SEMA3C: variants seen among roughly 807,000 people sequenced by gnomAD.
SEMA3C encodes semaphorin-3C.
In SEMA3C, 47 loss-of-function variants were observed where a neutral mutation model predicts 89.4. The ratio of observed to expected loss-of-function variants is 0.53; its 90% CI spans 0.42 to 0.67. The LOEUF is 0.67. Ranked by LOEUF, SEMA3C falls within the 30% of genes least tolerant of loss-of-function variation. The pLI, the probability that SEMA3C is intolerant of heterozygous loss-of-function variation, is 0.00. For synonymous variants in SEMA3C, 310 were observed against 320.2 expected (o/e 0.97, Z 0.34); for missense variants, 839 against 929.1 (o/e 0.90, Z 1.26).
chr7:80,789,930 G>T (rs1788896519), intron 11 of SEMA3C, among the ~76,000 whole-genome samples: 1 of 152,056 alleles, frequency 6.6e-6, no homozygotes, highest in Non-Finnish European at 1.5e-5. Context: ...ATTAAATTCA[G>T]TCAAACTCTG....
intron 12 of SEMA3C, among the ~76,000 whole-genome samples, chr7:80,785,088 AAC>A (rs1321511441): frequency 6.6e-6 from 1 of 152,150 alleles, no homozygotes; most frequent in African/African-American, 2.4e-5. Flanking sequence ...GATATCTGGT[AAC>A]ACAAAAAATA....
At chr7:80,839,959 T>C (rs537707918) in intron 2 of SEMA3C, among the ~76,000 whole-genome samples, 4 of 152,284 alleles carry the variant, frequency 2.6e-5, no homozygotes, top group African/African-American at 4.8e-5. Flanking sequence ...CTTGACCATA[T>C]TGTGGGCTTC....
intron 14 of SEMA3C, among the ~76,000 whole-genome samples, chr7:80,760,920 A>C (rs1312183392): frequency 6.6e-6 from 1 of 152,114 alleles, no homozygotes; most frequent in Admixed American, 6.5e-5. Context: ...TCTGTACCTT[A>C]AAATTTGTTT....
rs774867394 is a variant in SEMA3C, at chr7:80,800,796, G to A, written c.947C>T (p.Pro316Leu). 5.3e-6 allele frequency: 8 copies of A among 1,513,754 alleles called. No individual in the cohort carries two copies. Among genetic ancestry groups the A allele is most frequent in the African/African-American group, 2.9e-5 (2 of 68,430 alleles). 93.8% of individuals were successfully genotyped at this position (1,513,754 alleles called of 1,614,324 possible). A position where few individuals can be genotyped will look rare whatever the true frequency, so the allele number is the denominator to read the frequency against. The change falls in exon 10 of 18, where the codon CCG becomes CTG. Residue 316 changes from proline to leucine, a missense_variant. Coordinates refer to ENST00000265361, the MANE Select transcript of SEMA3C (RefSeq NM_006379.5). ...AATGCCATACACTAGTGTTGTCCTC[G>A]GGTTATCAGTTTCCAGCAGAAACAC... ...EDVFLLETDN[P>L]RTTLVYGIFT...
In SEMA3C at chr7:80,744,894, T is replaced by C. The variant is rs1221352786; in HGVS notation, c.2256A>G (p.Ter752=). 6.2e-7 allele frequency: 1 copy of C among 1,613,950 alleles called. No individual in the cohort carries two copies. Among genetic ancestry groups the C allele is most frequent in the Admixed American group, 1.7e-5 (1 of 59,984 alleles). Residue 752 remains the stop codon, a stop_retained_variant, in exon 18 of 18, where the codon TAA becomes TAG. Transcript: ENST00000265361. The part of the protein sequence containing the change: ...RNRRNQLPES[*] Reference sequence around the variant, plus strand: ...AGCATAAGACCCACATAAGAAAATATTATGACTCTGGCAACTGATTCCTCC... The same window carrying C: ...AGCATAAGACCCACATAAGAAAATACTATGACTCTGGCAACTGATTCCTCC...
chr7:80,790,845 T>C (rs1788920726), intron 11 of SEMA3C, among the ~76,000 whole-genome samples: 2 of 152,212 alleles, frequency 1.3e-5, no homozygotes, highest in Admixed American at 1.3e-4. Context: ...CCCTATAGAA[T>C]GTAAGCTTGT....
intron 2 of SEMA3C, among the ~76,000 whole-genome samples, chr7:80,857,626 A>C (rs1790671714): frequency 6.6e-6 from 1 of 152,180 alleles, no homozygotes; most frequent in Admixed American, 6.5e-5. Context: ...AATTAATAGA[A>C]TATCTTTATA....
At chr7:80,815,802 T>C (rs1276526979) in intron 5 of SEMA3C, 5 of 152,072 alleles carry the variant, frequency 3.3e-5, no homozygotes, top group Non-Finnish European at 7.4e-5. Context: ...CAGTCTAAGG[T>C]AAAGTTATCT....
Position 80,762,432 on chromosome 7 carries a change from A to G in SEMA3C, c.1444-775T>C, listed in dbSNP as rs538647224. On this transcript the variant is annotated intron_variant, in intron 13 of 17. Transcript: ENST00000265361. ...TCTTTTGATAAAATGTGAATGAATGAAAGAACCTAAGAATTTTCTGGAATA... is the reference window on the plus strand; with the variant it reads ...TCTTTTGATAAAATGTGAATGAATGGAAGAACCTAAGAATTTTCTGGAATA... Among the ~76,000 whole-genome samples, 15 of 152,370 alleles carry G rather than the reference A, an allele frequency of 9.8e-5. No homozygotes were observed. The South Asian group carries it at 2.7e-3, about 27-fold the overall frequency.
In SEMA3C at chr7:80,810,597, C is replaced by T. The variant is rs201112854; in HGVS notation, c.538+14G>A. 35 of 1,604,672 alleles carry T rather than the reference C, an allele frequency of 2.2e-5. No homozygotes were observed. The Middle Eastern group carries it at 1.0e-3, about 46-fold the overall frequency. On this transcript the variant is annotated intron_variant, in intron 6 of 17. Transcript: ENST00000265361. ...ATTTTATGTTTAATCCTCCCTCTTT[C>T]GTTGTCTACTTACTGATCATAACAG...
intron 15 of SEMA3C, among the ~76,000 whole-genome samples, chr7:80,753,345 T>C (rs749182302): frequency 1.3e-5 from 2 of 152,202 alleles, no homozygotes; most frequent in African/African-American, 4.8e-5. Context: ...GTATATATTA[T>C]ATGAGCATCA....
intron 2 of SEMA3C, among the ~76,000 whole-genome samples, chr7:80,873,726 TTTTTGA>T (rs1340764451): frequency 2.0e-5 from 3 of 152,130 alleles, no homozygotes; most frequent in Non-Finnish European, 4.4e-5. Flanking sequence ...TAGTGTTTCG[TTTTTGA>T]TTTTAAGTGA....
At chr7:80,887,677 G>T (rs998878271) in intron 2 of SEMA3C, among the ~76,000 whole-genome samples, 1 of 152,058 alleles carries the variant, frequency 6.6e-6, no homozygotes, top group African/African-American at 2.4e-5. Flanking sequence ...TTACATCACA[G>T]ATTTTTTAAA....
intron 2 of SEMA3C, among the ~76,000 whole-genome samples, chr7:80,886,346 G>T (rs1054866112): frequency 6.6e-6 from 1 of 151,394 alleles, no homozygotes; most frequent in African/African-American, 2.4e-5. Context: ...TGTACAACTG[G>T]AAATTAAACT....
At chr7:80,800,259 G>C (rs1334814100) in intron 10 of SEMA3C, among the ~76,000 whole-genome samples, 2 of 151,830 alleles carry the variant, frequency 1.3e-5, no homozygotes, top group Non-Finnish European at 2.9e-5. Context: ...TTACTGAAAT[G>C]CGTAATTGTT....
rs749388453 is a variant in SEMA3C, at chr7:80,789,414, T to C, written c.1246A>G (p.Lys416Glu). 8.5e-5 allele frequency: 137 copies of C among 1,613,890 alleles called. No homozygotes were observed. The highest frequency in any genetic ancestry group is 1.5e-4 in the Admixed American group (9 of 59,978). ...CCAATACGAACAATCAAAGGCCTTT[T>C]GTGGATTGGGTAGATGGAATTGTAC... ...LMYNSIYPIH[K>E]RPLIVRIGTD... is the part of the protein sequence containing the mutation. The change falls in exon 12 of 18, where the codon AAA (lysine) becomes GAA (glutamate). Residue 416 changes from lysine (K) to glutamate (E), a missense_variant. By Grantham distance (56) the Lys-to-Glu change is moderately conservative. Transcript: ENST00000265361.
chr7:80,819,361 T>C (rs1388681340), intron 4 of SEMA3C, among the ~76,000 whole-genome samples: 3 of 152,220 alleles, frequency 2.0e-5, no homozygotes, highest in African/African-American at 7.2e-5. Flanking sequence ...ACTTTATAAA[T>C]GTATTCTTTA....
At chr7:80,791,730 C>A (rs1161915354) in intron 11 of SEMA3C, among the ~76,000 whole-genome samples, 1 of 152,120 alleles carries the variant, frequency 6.6e-6, no homozygotes, top group Non-Finnish European at 1.5e-5. Context: ...AATGTTGACT[C>A]AGTAAAAAAA....
chr7:80,917,034 T>G (rs117733496), intron 1 of SEMA3C, among the ~76,000 whole-genome samples: 2,740 of 152,270 alleles, frequency 0.018, 48 homozygotes, highest in Non-Finnish European at 0.028. Context: ...AGAGAAACTT[T>G]CATCTTCCAG....
Sources: allele counts gnomAD v4.1 joint callset (sites outside exome capture counted in the v4.1 genomes callset), GRCh38; gene constraint gnomAD v4.1.1; transcripts MANE v1.5; gene names NCBI Gene and HGNC (gene_info 2026-07-23, HGNC 2026-07-21).